The following HTR1E variants were observed in gnomAD, a reference collection of about 807,000 sequenced individuals.
HTR1E encodes the protein 5-hydroxytryptamine receptor 1E.
In HTR1E, 3 loss-of-function variants were observed where a neutral mutation model predicts 3.4. The ratio of observed to expected loss-of-function variants is 0.89; its 90% CI spans 0.41 to 2.31. The LOEUF (loss-of-function observed/expected upper bound fraction) is 2.31, where lower values mean the gene tolerates loss of function less well. Ranked by LOEUF, HTR1E falls within the 30% of genes most tolerant of loss-of-function variation. The pLI, the probability that HTR1E is intolerant of heterozygous loss-of-function variation, is 0.05. For synonymous variants in HTR1E, 170 were observed against 182.8 expected (o/e 0.93, Z 0.56); for missense variants, 392 against 467.0 (o/e 0.84, Z 1.48).
Position 87,016,068 on chromosome 6 carries a change from C to G in HTR1E, c.734C>G (p.Ser245Cys). The G allele has an allele frequency of 6.2e-7, 1 of 1,614,160 alleles. No individual in the cohort carries two copies. The highest frequency in any genetic ancestry group is 8.5e-7 in the Non-Finnish European group (1 of 1,180,020). The change falls in exon 2 of 2, where the codon TCT becomes TGT. Residue 245 changes from serine (S) to cysteine (C), a missense_variant. By Grantham distance (112) the Ser-to-Cys change is moderately radical. This residue lies in a region of HTR1E where 178 missense variants were observed against 164.9 expected (regional missense o/e 1.08). Transcript: ENST00000305344. ...SCKLTQTFCV[S>C]DFSTSDPTTE... ...AAACTTACACAGACTTTCTGTGTGT[C>G]TGACTTCTCCACCTCAGACCCTACC...
intron 1 of HTR1E, among the ~76,000 whole-genome samples, chr6:86,979,623 A>G (rs1399834667): frequency 2.6e-5 from 4 of 152,226 alleles, no homozygotes. Context: ...ACTTTAAGAC[A>G]TGTAATGACA....
chr6:86,972,087 T>C (rs945532126), intron 1 of HTR1E, among the ~76,000 whole-genome samples: 1 of 152,220 alleles, frequency 6.6e-6, no homozygotes, highest in African/African-American at 2.4e-5. Context: ...TATTTTGCAA[T>C]AATTAAAAGC....
intron 1 of HTR1E, among the ~76,000 whole-genome samples, chr6:87,001,229 C>T (rs746593942): frequency 2.6e-5 from 4 of 151,678 alleles, no homozygotes; most frequent in Non-Finnish European, 5.9e-5. Flanking sequence ...AAAAGGAAGA[C>T]AGAAAGAAAA....
At chr6:86,969,357 T>C (rs1479365202) in intron 1 of HTR1E, among the ~76,000 whole-genome samples, 1 of 151,460 alleles carries the variant, frequency 6.6e-6, no homozygotes, top group African/African-American at 2.4e-5. Flanking sequence ...ATATAAAAGG[T>C]AATGAGAGGA....
At chr6:86,992,305 C>T (rs949327868) in intron 1 of HTR1E, among the ~76,000 whole-genome samples, 2 of 152,150 alleles carry the variant, frequency 1.3e-5, no homozygotes, top group Non-Finnish European at 2.9e-5. Context: ...TTTTTCTCCT[C>T]ATCTTTCTAT....
chr6:87,001,572 T>A (rs894971082), intron 1 of HTR1E, among the ~76,000 whole-genome samples: 1 of 152,166 alleles, frequency 6.6e-6, no homozygotes, highest in African/African-American at 2.4e-5. Context: ...AATCCATCTC[T>A]CTGACTGACT....
chr6:86,959,684 T>C (rs1412920720), intron 1 of HTR1E, among the ~76,000 whole-genome samples: 3 of 152,060 alleles, frequency 2.0e-5, no homozygotes, highest in African/African-American at 4.8e-5. Context: ...GAGTATCCTG[T>C]GGTGAAAAAA....
chr6:86,996,921 A>C (rs1259733611), intron 1 of HTR1E, among the ~76,000 whole-genome samples: 3 of 152,010 alleles, frequency 2.0e-5, no homozygotes, highest in Non-Finnish European at 4.4e-5. Flanking sequence ...GTAAAAAAAA[A>C]GTTAGAGATC....
intron 1 of HTR1E, among the ~76,000 whole-genome samples, chr6:86,993,516 A>G (rs56130153): frequency 8.7e-4 from 131 of 149,812 alleles, no homozygotes; most frequent in African/African-American, 3.0e-3. Context: ...GAAGCAGAAT[A>G]TGTTCTAAAT....
chr6:86,985,144 C>T (rs888690630), intron 1 of HTR1E, among the ~76,000 whole-genome samples: 2 of 152,056 alleles, frequency 1.3e-5, no homozygotes, highest in South Asian at 2.1e-4. Flanking sequence ...CTTGCTGGGC[C>T]GTAAACTAAG....
At chr6:87,009,289 T>C (rs904073481) in intron 1 of HTR1E, among the ~76,000 whole-genome samples, 1 of 150,254 alleles carries the variant, frequency 6.7e-6, no homozygotes, top group South Asian at 2.1e-4. Flanking sequence ...CCTTCAAGCA[T>C]CTGTTTAACA....
intron 1 of HTR1E, among the ~76,000 whole-genome samples, chr6:86,986,424 C>T (rs192309157): frequency 3.9e-5 from 6 of 152,198 alleles, no homozygotes; most frequent in African/African-American, 1.4e-4. Context: ...TTAGATTTCA[C>T]GAAGATGACA....
intron 1 of HTR1E, among the ~76,000 whole-genome samples, chr6:86,995,562 A>G (rs1408254094): frequency 5.3e-5 from 8 of 149,858 alleles, no homozygotes; most frequent in Admixed American, 5.3e-4. Context: ...GCTACTCGGA[A>G]GGCTGAGGCA....
chr6:87,006,163 C>G (rs1267586340), intron 1 of HTR1E, among the ~76,000 whole-genome samples: 1 of 152,152 alleles, frequency 6.6e-6, no homozygotes, highest in Non-Finnish European at 1.5e-5. Flanking sequence ...CTATGGAGAA[C>G]AGTTTGGAGG....
chr6:86,973,346 G>A (rs1426038724), intron 1 of HTR1E, among the ~76,000 whole-genome samples: 2 of 151,814 alleles, frequency 1.3e-5, no homozygotes, highest in African/African-American at 2.4e-5. Flanking sequence ...GTGTGTGTCT[G>A]TGTGTGTAGC....
rs192807185 is a variant in HTR1E at position 87,009,056 on chromosome 6, T to C, written c.-185-6094T>C. 6.6e-3 allele frequency among the ~76,000 whole-genome samples: 798 copies of C among 120,262 alleles called. 2 individuals carry two copies. Among genetic ancestry groups the C allele is most frequent in the Non-Finnish European group, 9.3e-3 (557 of 60,170 alleles). The allele number at this position is 120,262 out of a possible 152,430, so 78.9% of individuals were successfully genotyped here. A position where few individuals can be genotyped will look rare whatever the true frequency, so the allele number is the denominator to read the frequency against. On this transcript the variant is annotated intron_variant, in intron 1 of 1. Transcript: ENST00000305344. ...AGTCTATACGCCACACTTCTTTTTATTTTTTTTTTTTAATTTATTTTTTTA... is the reference window on the plus strand; with the variant it reads ...AGTCTATACGCCACACTTCTTTTTACTTTTTTTTTTTAATTTATTTTTTTA...
rs917849954 is a variant in HTR1E, at chr6:86,976,396, T to C, written c.-186+38573T>C. ...GCAGTGCTACTGTCAAAATAAAAAA[T>C]AAAGTTACCTACTCCAAAATCACTG... On this transcript the variant is annotated intron_variant, in intron 1 of 1. Transcript: ENST00000305344. 5.3e-5 allele frequency among the ~76,000 whole-genome samples: 8 copies of C among 152,108 alleles called. No individual in the cohort carries two copies. In the East Asian group the frequency reaches 1.2e-3, roughly 22 times the overall value.
intron 1 of HTR1E, among the ~76,000 whole-genome samples, chr6:86,997,670 TGC>T (rs1315641207): frequency 6.6e-6 from 1 of 151,758 alleles, no homozygotes; most frequent in African/African-American, 2.4e-5. Context: ...AATTACAAAA[TGC>T]TAATGAAATG....
chr6:86,962,718 G>T (rs908201284), intron 1 of HTR1E, among the ~76,000 whole-genome samples: 1 of 152,076 alleles, frequency 6.6e-6, no homozygotes, highest in African/African-American at 2.4e-5. Flanking sequence ...CATGCCTATA[G>T]TCCCAGCTTC....
Sources: allele counts gnomAD v4.1 joint callset (sites outside exome capture counted in the v4.1 genomes callset), GRCh38; gene constraint gnomAD v4.1.1; regional missense constraint gnomAD v4.1.1; transcripts MANE v1.5; gene names NCBI Gene and HGNC (gene_info 2026-07-23, HGNC 2026-07-21).